Variants in RAD51B observed in about 807,000 individuals in gnomAD.
RAD51B encodes DNA repair protein RAD51 homolog 2.
In RAD51B, 38 loss-of-function variants were observed where a neutral mutation model predicts 42.2. The ratio of observed to expected loss-of-function variants is 0.90; its 90% CI spans 0.70 to 1.18. RAD51B has a LOEUF of 1.18. Ranked by LOEUF, RAD51B falls within the 50% of genes most tolerant of loss-of-function variation. The pLI, the probability that RAD51B is intolerant of heterozygous loss-of-function variation, is 0.00. For missense variants in RAD51B, 373 were observed against 400.7 expected (o/e 0.93, Z 0.59); for synonymous variants, 154 against 145.2 (o/e 1.06, Z -0.43).
At chr14:68,611,394 AGTT>A in exon 11 of RAD51B, 3 of 621,108 alleles carry the variant, frequency 4.8e-6, no homozygotes, top group Non-Finnish European at 8.7e-6. Context: ...CCAGTGAAAA[AGTT>A]CTTCTTCTCT....
intron 7 of RAD51B, among the ~76,000 whole-genome samples, chr14:68,061,235 T>C (rs972269379): frequency 1.3e-5 from 2 of 151,576 alleles, no homozygotes; most frequent in African/African-American, 2.4e-5. Flanking sequence ...ACCCAGCTAA[T>C]TTTTTGTATT....
chr14:68,563,759 A>G (rs1889273783), intron 10 of RAD51B: 1 of 985,216 alleles, frequency 1.0e-6, no homozygotes, highest in Non-Finnish European at 1.2e-6. Context: ...AGGACTGTAT[A>G]AACTCTGAGG....
At chr14:68,263,001 G>C (rs1436963110) in intron 7 of RAD51B, among the ~76,000 whole-genome samples, 1 of 152,078 alleles carries the variant, frequency 6.6e-6, no homozygotes, top group Non-Finnish European at 1.5e-5. Context: ...CTTTTCTCTT[G>C]GTAATGTGGC....
chr14:68,159,211 G>A (rs969135624), intron 7 of RAD51B, among the ~76,000 whole-genome samples: 1 of 152,084 alleles, frequency 6.6e-6, no homozygotes, highest in Non-Finnish European at 1.5e-5. Flanking sequence ...GTCTGTTTAG[G>A]GGGGTTATCA....
chr14:68,272,126 G>A (rs967810137), intron 7 of RAD51B, among the ~76,000 whole-genome samples: 3 of 152,110 alleles, frequency 2.0e-5, no homozygotes, highest in African/African-American at 4.8e-5. Context: ...TCTTCACCAC[G>A]TGATCACTGT....
chr14:68,090,417 A>G (rs1297247649), intron 7 of RAD51B, among the ~76,000 whole-genome samples: 1 of 152,186 alleles, frequency 6.6e-6, no homozygotes, highest in Non-Finnish European at 1.5e-5. Context: ...AAATTTCTTT[A>G]GGTTTCAAAA....
chr14:68,241,297 C>G (rs1268093999), intron 7 of RAD51B, among the ~76,000 whole-genome samples: 1 of 152,230 alleles, frequency 6.6e-6, no homozygotes, highest in African/African-American at 2.4e-5. Flanking sequence ...AATCCCAGCA[C>G]TTCGGGAGGC....
At chr14:67,833,169 A>G (rs2041113257) in intron 3 of RAD51B, among the ~76,000 whole-genome samples, 1 of 152,182 alleles carries the variant, frequency 6.6e-6, no homozygotes, top group Non-Finnish European at 1.5e-5. Flanking sequence ...TGAGGGCAGG[A>G]GTTCGAGACC....
At chr14:68,272,775 C>T (rs1253809187) in intron 7 of RAD51B, among the ~76,000 whole-genome samples, 1 of 139,124 alleles carries the variant, frequency 7.2e-6, no homozygotes, top group Non-Finnish European at 1.5e-5. Flanking sequence ...AGGCTCTGCC[C>T]CCGGGTTCAC....
intron 7 of RAD51B, among the ~76,000 whole-genome samples, chr14:67,910,345 G>A (rs2043927721): frequency 1.4e-5 from 1 of 70,990 alleles, no homozygotes; most frequent in African/African-American, 1.2e-4. Flanking sequence ...GGCGGAGCTT[G>A]CAGTGAGCCG....
intron 7 of RAD51B, among the ~76,000 whole-genome samples, chr14:68,146,988 G>T (rs1337083579): frequency 6.6e-6 from 1 of 152,018 alleles, no homozygotes; most frequent in Non-Finnish European, 1.5e-5. Flanking sequence ...CTGTATTTTG[G>T]GTTCATCCAG....
intron 7 of RAD51B, among the ~76,000 whole-genome samples, chr14:67,899,043 T>G (rs1186478939): frequency 6.6e-6 from 1 of 152,028 alleles, no homozygotes; most frequent in Admixed American, 6.5e-5. Flanking sequence ...TAATTTAGAT[T>G]CTTTTTTTTC....
intron 5 of RAD51B, among the ~76,000 whole-genome samples, chr14:67,865,580 C>T (rs2042313862): frequency 7.3e-6 from 1 of 137,852 alleles, no homozygotes; most frequent in Admixed American, 7.6e-5. Context: ...TCTCTGTCGC[C>T]CAGGTTGGAG....
intron 10 of RAD51B, among the ~76,000 whole-genome samples, chr14:68,556,932 C>T (rs1888878053): frequency 6.6e-6 from 1 of 152,166 alleles, no homozygotes; most frequent in Non-Finnish European, 1.5e-5. Flanking sequence ...CCTCACACCT[C>T]ATTCCATGGC....
At chr14:68,016,204 G>T (rs941687593) in intron 7 of RAD51B, among the ~76,000 whole-genome samples, 1 of 152,040 alleles carries the variant, frequency 6.6e-6, no homozygotes, top group Non-Finnish European at 1.5e-5. Flanking sequence ...AGCAAATACG[G>T]GTAGAAAAAC....
At chr14:68,272,256 T>G (rs898792514) in intron 7 of RAD51B, among the ~76,000 whole-genome samples, 3 of 152,050 alleles carry the variant, frequency 2.0e-5, no homozygotes, top group Non-Finnish European at 2.9e-5. Flanking sequence ...TCCACTTCCT[T>G]CTGCAGACTT....
At chr14:68,258,282 T>A (rs1006002041) in intron 7 of RAD51B, among the ~76,000 whole-genome samples, 3 of 152,034 alleles carry the variant, frequency 2.0e-5, no homozygotes, top group Non-Finnish European at 4.4e-5. Flanking sequence ...TCACTTATAG[T>A]CCCAGCTACT....
At chr14:67,978,979 C>G (rs2075043283) in intron 7 of RAD51B, among the ~76,000 whole-genome samples, 3 of 152,140 alleles carry the variant, frequency 2.0e-5, no homozygotes, top group Admixed American at 2.0e-4. Flanking sequence ...TTGTTCCTTC[C>G]CCCCACCACC....
chr14:68,380,627 A>G (rs886637726), intron 8 of RAD51B, among the ~76,000 whole-genome samples: 3 of 152,162 alleles, frequency 2.0e-5, no homozygotes, highest in African/African-American at 7.2e-5. Context: ...AAAAAAATAA[A>G]AACAGAAAAA....
Sources: gnomAD v4.1 joint callset for allele counts (sites outside exome capture counted in the v4.1 genomes callset) on GRCh38, gnomAD v4.1.1 for gene constraint, MANE v1.5 for transcripts, NCBI Gene and HGNC (gene_info 2026-07-23, HGNC 2026-07-21) for gene names.